PSMD14: variants seen among roughly 807,000 people sequenced by gnomAD.
The protein encoded by PSMD14 is proteasome 26S subunit, non-ATPase 14, also known as ubiquitin C-terminal hydrolase PSMD14.
In PSMD14, 7 loss-of-function variants were observed where a neutral mutation model predicts 41.2. The observed-to-expected ratio is 0.17, with a 90% CI of 0.10 to 0.32. The LOEUF (loss-of-function observed/expected upper bound fraction) is 0.32. PSMD14 is among the 10% of genes least tolerant of loss of function. The pLI, the probability that PSMD14 is intolerant of heterozygous loss-of-function variation, is 1.00. For missense variants in PSMD14, 139 were observed against 375.6 expected, an observed-to-expected ratio of 0.37 and a Z score of 5.21; for synonymous variants, 114 against 122.3, an observed-to-expected ratio of 0.93 and a Z score of 0.45.
chr2:161,337,200 G>A (rs548683120), intron 3 of PSMD14, among the ~76,000 whole-genome samples: 1 of 152,150 alleles, frequency 6.6e-6, no homozygotes, highest in Non-Finnish European at 1.5e-5. Flanking sequence ...TAAAAGTCTC[G>A]TTTGGGAGTG....
chr2:161,388,449 T>A (rs1553508097), intron 8 of PSMD14, among the ~76,000 whole-genome samples: 3 of 152,082 alleles, frequency 2.0e-5, no homozygotes, highest in Non-Finnish European at 4.4e-5. Context: ...TCATTGGAAA[T>A]TTAATTAATT....
chr2:161,371,086 A>T (rs933623524), intron 6 of PSMD14, 86 bp from the exon 7 acceptor site: 26 of 1,402,818 alleles, frequency 1.9e-5, no homozygotes, highest in African/African-American at 5.7e-5. Flanking sequence ...TTCTTAATTT[A>T]TACCCCGTTA....
chr2:161,327,889 C>A (rs975529713), intron 3 of PSMD14, among the ~76,000 whole-genome samples: 80 of 139,734 alleles, frequency 5.7e-4, no homozygotes, highest in Non-Finnish European at 1.1e-3. Flanking sequence ...AAAAAACAAA[C>A]AAACCTGTGG....
chr2:161,387,738 GA>G (rs2105264942), intron 8 of PSMD14, among the ~76,000 whole-genome samples: 1 of 152,096 alleles, frequency 6.6e-6, no homozygotes, highest in African/African-American at 2.4e-5. Context: ...AGAATTATGA[GA>G]TTTTTTTGTC....
intron 3 of PSMD14, among the ~76,000 whole-genome samples, chr2:161,334,875 G>A (rs1248206712): frequency 1.3e-5 from 2 of 152,240 alleles, no homozygotes; most frequent in Non-Finnish European, 2.9e-5. Flanking sequence ...TTTGATGTGT[G>A]TTTTTCTATC....
chr2:161,342,105 G>A (rs1006879023), intron 3 of PSMD14, among the ~76,000 whole-genome samples: 2 of 152,080 alleles, frequency 1.3e-5, no homozygotes, highest in Admixed American at 1.3e-4. Flanking sequence ...AGTTACTACA[G>A]CACCACTTGT....
rs996795132 is a variant in PSMD14 at position 161,316,437 on chromosome 2, G to A, written c.-137G>A. On this transcript the variant is annotated splice_region_variant and 5_prime_UTR_variant, in exon 2 of 12. Coordinates refer to ENST00000409682, the MANE Select transcript of PSMD14 (RefSeq NM_005805.6). ...ATTTTATTTTGTTTACTTTTTTTAG[G>A]AGAGAAAGAAAAAATAAAATATACT... The A allele has an allele frequency of 1.3e-5, 2 of 151,640 alleles. No individual in the cohort carries two copies. The highest frequency in any genetic ancestry group is 4.8e-5 in the African/African-American group (2 of 41,264). The allele number at this position is 151,640 out of a possible 1,614,324, so 9.4% of individuals were successfully genotyped here.
intron 3 of PSMD14, among the ~76,000 whole-genome samples, chr2:161,347,829 G>A (rs1683066181): frequency 6.6e-6 from 1 of 151,948 alleles, no homozygotes; most frequent in African/African-American, 2.4e-5. Context: ...ATTAGGTCAT[G>A]TAATCTTTAC....
intron 10 of PSMD14, among the ~76,000 whole-genome samples, chr2:161,403,393 C>G (rs1476609573): frequency 6.6e-6 from 1 of 152,012 alleles, no homozygotes; most frequent in Non-Finnish European, 1.5e-5. Context: ...TTGGGCAAGG[C>G]AGGAATGGGG....
intron 3 of PSMD14, among the ~76,000 whole-genome samples, chr2:161,331,108 A>G (rs1198731493): frequency 6.6e-6 from 1 of 152,206 alleles, no homozygotes; most frequent in Non-Finnish European, 1.5e-5. Flanking sequence ...TTGTCATTGT[A>G]TAGCTATATC....
intron 10 of PSMD14, among the ~76,000 whole-genome samples, chr2:161,397,279 C>T (rs1683813822): frequency 6.6e-6 from 1 of 151,974 alleles, no homozygotes. Flanking sequence ...ACAAAAGGTA[C>T]GAAGAGTCTG....
chr2:161,387,489 A>C (rs992759631), intron 8 of PSMD14, among the ~76,000 whole-genome samples: 1 of 151,946 alleles, frequency 6.6e-6, no homozygotes, highest in East Asian at 1.9e-4. Flanking sequence ...ATCAGCTCAC[A>C]TGCTGGTGGT....
In PSMD14 at chr2:161,385,463, G is replaced by T; in HGVS notation, c.463-1G>T. ...ATTGACTTGACACCTTGTTTTTACA[G>T]GTTGTTATTGATGCCTTCAGATTGA... is the stretch of plus-strand genomic sequence containing the variant. On this transcript the variant is annotated splice_acceptor_variant, in intron 7 of 11. Transcript: ENST00000409682. LOFTEE classifies it high-confidence loss of function. 1 of 1,588,774 alleles carries T rather than the reference G, an allele frequency of 6.3e-7. No homozygotes were observed. The highest frequency in any genetic ancestry group is 8.6e-7 in the Non-Finnish European group (1 of 1,164,338).
rs112153463 is a variant in PSMD14 at position 161,347,275 on chromosome 2, A to G, written c.49-20203A>G. 2.5e-3 allele frequency among the ~76,000 whole-genome samples: 386 copies of G among 152,136 alleles called. 1 individual carries two copies. Among genetic ancestry groups the G allele is most frequent in the Non-Finnish European group, 4.6e-3 (314 of 67,988 alleles). On this transcript the variant is annotated intron_variant, in intron 3 of 11. Coordinates refer to ENST00000409682, the MANE Select transcript of PSMD14 (RefSeq NM_005805.6). The stretch of plus-strand genomic sequence containing the variant: ...ATGTAGATTTAGTTTCTGTTACTCT[A>G]TCTGTCTTGGACATAAGCAGATGTC...
chr2:161,387,741 T>C (rs531861400), intron 8 of PSMD14, among the ~76,000 whole-genome samples: 1 of 152,140 alleles, frequency 6.6e-6, no homozygotes, highest in Admixed American at 6.6e-5. Flanking sequence ...ATTATGAGAT[T>C]TTTTTGTCTT....
At chr2:161,390,993 C>T in intron 8 of PSMD14, 111 bp from the exon 9 acceptor site, 1 of 971,958 alleles carries the variant, frequency 1.0e-6, no homozygotes, top group Non-Finnish European at 1.4e-6. Context: ...AATAAAATGC[C>T]TTTATTAGAG....
intron 3 of PSMD14, among the ~76,000 whole-genome samples, chr2:161,323,668 A>G (rs1224856756): frequency 1.3e-5 from 2 of 152,206 alleles, no homozygotes; most frequent in African/African-American, 4.8e-5. Context: ...GTCTCAAAAA[A>G]AAAAAAAGTT....
intron 3 of PSMD14, among the ~76,000 whole-genome samples, chr2:161,350,880 C>T (rs1264124083): frequency 1.3e-5 from 2 of 152,130 alleles, no homozygotes; most frequent in African/African-American, 4.8e-5. Context: ...CTCCATTTCC[C>T]CCAAGTGTAA....
chr2:161,312,999 A>ATATAGTAAG (rs1689107351), intron 1 of PSMD14, among the ~76,000 whole-genome samples: 4 of 152,220 alleles, frequency 2.6e-5, no homozygotes, highest in African/African-American at 9.6e-5. Context: ...TTATATGCTT[A>ATATAGTAAG]CTATATGATA....
Sources: gnomAD v4.1 joint callset for allele counts (sites outside exome capture counted in the v4.1 genomes callset) on GRCh38, gnomAD v4.1.1 for gene constraint, MANE v1.5 for transcripts, NCBI Gene and HGNC (gene_info 2026-07-23, HGNC 2026-07-21) for gene names.